The following SHC3 variants were observed in gnomAD, a reference collection of about 807,000 sequenced individuals.
SHC3 encodes the protein SHC-transforming protein 3.
SHC3 carries 15 observed loss-of-function variants against 60.4 expected under a neutral mutation model. The ratio of observed to expected loss-of-function variants is 0.25; its 90% CI spans 0.17 to 0.38. The LOEUF is 0.38. Among genes scored for constraint, SHC3 ranks in the 10% least tolerant of loss-of-function variants. SHC3 has a pLI of 1.00. For missense variants in SHC3, 677 were observed against 786.1 expected (o/e 0.86, Z 1.66); for synonymous variants, 294 against 325.9 (o/e 0.90, Z 1.05).
intron 11 of SHC3, among the ~76,000 whole-genome samples, chr9:89,026,668 G>A (rs933849030): frequency 3.3e-5 from 5 of 152,190 alleles, no homozygotes; most frequent in Non-Finnish European, 5.9e-5. Flanking sequence ...ATTGAGATTT[G>A]CCTCAGATAT....
intron 11 of SHC3, among the ~76,000 whole-genome samples, chr9:89,030,970 G>A (rs1219273451): frequency 6.6e-6 from 1 of 151,932 alleles, no homozygotes; most frequent in Non-Finnish European, 1.5e-5. Context: ...GAGAGCAGTT[G>A]TATGATCATA....
intron 1 of SHC3, among the ~76,000 whole-genome samples, chr9:89,147,229 G>T (rs1303115541): frequency 1.3e-5 from 2 of 151,600 alleles, no homozygotes; most frequent in Non-Finnish European, 2.9e-5. Context: ...TGTTGACCAA[G>T]CCTCACTCTG....
rs139915624 is a variant in SHC3 at position 89,035,030 on chromosome 9, T to G, written c.1656+2963A>C. ...TAAACCATCACAGCTGTAAATCATG[T>G]GCTTAATGCAACGTGTCATTTTGAC... On this transcript the variant is annotated intron_variant, in intron 11 of 11. Coordinates refer to ENST00000375835, the MANE Select transcript of SHC3 (RefSeq NM_016848.6). 3.7e-3 allele frequency among the ~76,000 whole-genome samples: 562 copies of G among 152,318 alleles called. 15 individuals carry two copies. The highest frequency in any genetic ancestry group is 1.3e-3 in the Non-Finnish European group (86 of 68,020).
intron 4 of SHC3, among the ~76,000 whole-genome samples, chr9:89,071,884 C>T (rs1421761725): frequency 6.6e-6 from 1 of 152,212 alleles, no homozygotes; most frequent in African/African-American, 2.4e-5. Context: ...GAAGGCTCTG[C>T]CCACATCAAA....
chr9:89,039,864 C>T lies in SHC3; in HGVS notation c.1361-1576G>A, dbSNP rs560648199. 5.9e-5 allele frequency among the ~76,000 whole-genome samples: 9 copies of T among 152,100 alleles called. No homozygotes were observed. The South Asian group carries it at 1.9e-3, about 32-fold the overall frequency. ...CCATCATCCCCATTGTCATCATCATCATCATCACCATCATTGTCACCAGCA... is the reference window on the plus strand; with the variant it reads ...CCATCATCCCCATTGTCATCATCATTATCATCACCATCATTGTCACCAGCA... On this transcript the variant is annotated intron_variant, in intron 10 of 11. Transcript: ENST00000375835.
intron 9 of SHC3, 89 bp from the exon 10 acceptor site, chr9:89,042,273 A>C (rs946710005): frequency 7.2e-7 from 1 of 1,390,862 alleles, no homozygotes; most frequent in Non-Finnish European, 9.5e-7. Flanking sequence ...TTCTGCCTGC[A>C]AATGGGAAAC....
chr9:89,104,685 A>T lies in SHC3; in HGVS notation c.545+7871T>A, dbSNP rs1173946236. ...TTGCTGTCACCACCTTGAGCTAGGT[A>T]GCAGGACCACCTTGGGGGTCGCCCA... On this transcript the variant is annotated intron_variant, in intron 2 of 11. Coordinates refer to ENST00000375835, the MANE Select transcript of SHC3 (RefSeq NM_016848.6). Among the ~76,000 whole-genome samples, 3 of 152,294 alleles carry T rather than the reference A, an allele frequency of 2.0e-5. No individual in the cohort carries two copies. In the East Asian group the frequency reaches 5.8e-4, roughly 29 times the overall value.
intron 5 of SHC3, among the ~76,000 whole-genome samples, chr9:89,069,992 A>G (rs1825243702): frequency 6.6e-6 from 1 of 152,202 alleles, no homozygotes; most frequent in Non-Finnish European, 1.5e-5. Flanking sequence ...TGCTAGTAAA[A>G]CACAGGGTCC....
rs1353929374 is a variant in SHC3 at position 89,105,555 on chromosome 9, TTCCCTC to T, written c.545+6995_545+7000del. Among the ~76,000 whole-genome samples, 3 of 152,204 alleles carry T rather than the reference TTCCCTC, an allele frequency of 2.0e-5. No individual in the cohort carries two copies. In the South Asian group the frequency reaches 6.2e-4, roughly 32 times the overall value. ...CCTACTTATGTATATGTTTGTGTAT[TTCCCTC>T]TCCCCATAACAGAAGGTAAGCACTT... On this transcript the variant is annotated intron_variant, in intron 2 of 11. Coordinates refer to ENST00000375835, the MANE Select transcript of SHC3 (RefSeq NM_016848.6).
intron 1 of SHC3, among the ~76,000 whole-genome samples, chr9:89,158,708 G>A (rs2118235433): frequency 6.6e-6 from 1 of 152,286 alleles, no homozygotes; most frequent in Non-Finnish European, 1.5e-5. Flanking sequence ...TTACAAGGAT[G>A]GGTTCATACA....
rs151002309 is a variant in SHC3 at position 89,114,809 on chromosome 9, C to T, written c.475-2183G>A. Among the ~76,000 whole-genome samples, 387 of 152,174 alleles carry T rather than the reference C, an allele frequency of 2.5e-3. 2 individuals are homozygous for T. Among genetic ancestry groups the T allele is most frequent in the African/African-American group, 8.8e-3 (366 of 41,536 alleles). ...TTGTTGCAGAGTTATGATTTGCAACCTCATCCACAATTACATGTTTATAAG... is the reference window on the plus strand; with the variant it reads ...TTGTTGCAGAGTTATGATTTGCAACTTCATCCACAATTACATGTTTATAAG... On this transcript the variant is annotated intron_variant, in intron 1 of 11. Coordinates refer to ENST00000375835, the MANE Select transcript of SHC3 (RefSeq NM_016848.6).
chr9:89,123,103 C>T (rs1318105912), intron 1 of SHC3, among the ~76,000 whole-genome samples: 3 of 152,154 alleles, frequency 2.0e-5, no homozygotes, highest in Non-Finnish European at 2.9e-5. Flanking sequence ...CCCTATTGCA[C>T]ATGCATGGGC....
intron 1 of SHC3, among the ~76,000 whole-genome samples, chr9:89,156,639 A>T (rs1826627702): frequency 6.6e-6 from 1 of 152,220 alleles, no homozygotes; most frequent in Non-Finnish European, 1.5e-5. Context: ...ACCAAAGACA[A>T]CATCTTAAAA....
rs765240059 is a variant in SHC3 at position 89,008,435 on chromosome 9, C to T, written c.*5012G>A. On this transcript the variant is annotated 3_prime_UTR_variant, in exon 12 of 12. Coordinates refer to ENST00000375835, the MANE Select transcript of SHC3 (RefSeq NM_016848.6). Reference sequence around the variant, plus strand: ...CAAAGTCAAGACTTCAGAGCAGCTGCACCAGCATCACCTCGAGATTTTTTG... The same window carrying T: ...CAAAGTCAAGACTTCAGAGCAGCTGTACCAGCATCACCTCGAGATTTTTTG... The T allele has an allele frequency of 2.0e-5, 3 of 152,162 alleles. No individual in the cohort carries two copies. Among genetic ancestry groups the T allele is most frequent in the Non-Finnish European group, 4.4e-5 (3 of 68,048 alleles). 9.4% of individuals were successfully genotyped at this position (152,162 alleles called of 1,614,324 possible).
At chr9:89,100,476 T>C (rs2118081563) in intron 2 of SHC3, among the ~76,000 whole-genome samples, 1 of 152,302 alleles carries the variant, frequency 6.6e-6, no homozygotes, top group African/African-American at 2.4e-5. Context: ...CGGCCTCAAG[T>C]GATCCTGCCT....
At chr9:89,146,648 C>T (rs1349387165) in intron 1 of SHC3, among the ~76,000 whole-genome samples, 1 of 152,148 alleles carries the variant, frequency 6.6e-6, no homozygotes, top group African/African-American at 2.4e-5. Flanking sequence ...GGCAGAGGCC[C>T]TCATCTCCTT....
chr9:89,075,077 G>T, intron 4 of SHC3, 32 bp downstream of exon 4: 1 of 1,609,828 alleles, frequency 6.2e-7, no homozygotes, highest in Non-Finnish European at 8.5e-7. Context: ...TGGGGCTGTG[G>T]GCAGGGACAG....
chr9:89,143,073 G>GA (rs1451385147), intron 1 of SHC3, among the ~76,000 whole-genome samples: 1 of 152,210 alleles, frequency 6.6e-6, no homozygotes, highest in Non-Finnish European at 1.5e-5. Flanking sequence ...AGGCAAAAGT[G>GA]AAAGCAAGTT....
intron 11 of SHC3, chr9:89,037,532 C>T (rs565066668): frequency 2.8e-5 from 20 of 717,118 alleles, no homozygotes; most frequent in Non-Finnish European, 3.6e-5. Flanking sequence ...CTTCTCTAAA[C>T]GGGAAAACAA....
Sources: allele counts gnomAD v4.1 joint callset (sites outside exome capture counted in the v4.1 genomes callset), GRCh38; gene constraint gnomAD v4.1.1; transcripts MANE v1.5; gene names NCBI Gene and HGNC (gene_info 2026-07-23, HGNC 2026-07-21).